Variants in SH3GL2 observed in about 807,000 individuals in gnomAD.
SH3GL2 encodes the protein endophilin-A1.
A neutral mutation model predicts 46.0 loss-of-function variants in SH3GL2; 24 were observed. The ratio of observed to expected loss-of-function variants is 0.52; its 90% CI spans 0.38 to 0.73. The LOEUF is 0.73. Among genes scored for constraint, SH3GL2 ranks in the 30% least tolerant of loss-of-function variants. SH3GL2 has a pLI of 0.00. For synonymous variants in SH3GL2, 196 were observed against 147.1 expected, an observed-to-expected ratio of 1.33 and a Z score of -2.40; for missense variants, 413 against 424.2, an observed-to-expected ratio of 0.97 and a Z score of 0.23.
intron 3 of SH3GL2, among the ~76,000 whole-genome samples, chr9:17,768,596 T>A (rs1472728313): frequency 6.6e-6 from 1 of 152,058 alleles, no homozygotes; most frequent in African/African-American, 2.4e-5. Context: ...TTCTCCCTCT[T>A]GTTCACTCTG....
rs528518368 is a variant in SH3GL2, at chr9:17,796,859, C to T, written c.*1116C>T. On this transcript the variant is annotated 3_prime_UTR_variant, in exon 9 of 9. Coordinates refer to ENST00000380607, the MANE Select transcript of SH3GL2 (RefSeq NM_003026.5). Reference sequence around the variant, plus strand: ...CTACTTTTACTTCTGCCCTTTCTATCCATCGTCTTCATTTTGTGTGTACAG... The same window carrying T: ...CTACTTTTACTTCTGCCCTTTCTATTCATCGTCTTCATTTTGTGTGTACAG... 6.6e-6 allele frequency: 1 copy of T among 152,632 alleles called. No homozygotes were observed. The highest frequency in any genetic ancestry group is 6.5e-5 in the Admixed American group (1 of 15,286). The allele number at this position is 152,632 out of a possible 1,614,324, so 9.5% of individuals were successfully genotyped here.
At chr9:17,620,378 G>C (rs968815504) in intron 1 of SH3GL2, among the ~76,000 whole-genome samples, 2 of 152,286 alleles carry the variant, frequency 1.3e-5, no homozygotes, top group Non-Finnish European at 2.9e-5. Flanking sequence ...GTGCTTTTTA[G>C]GTGTCAGACA....
chr9:17,682,313 T>A (rs925704682), intron 1 of SH3GL2, among the ~76,000 whole-genome samples: 1 of 152,176 alleles, frequency 6.6e-6, no homozygotes, highest in Non-Finnish European at 1.5e-5. Context: ...CCAACCCAAA[T>A]GCCCATCAGT....
At chr9:17,704,410 T>C (rs758047786) in intron 1 of SH3GL2, among the ~76,000 whole-genome samples, 3 of 151,028 alleles carry the variant, frequency 2.0e-5, no homozygotes, top group Non-Finnish European at 4.4e-5. Context: ...AAATTACCAA[T>C]GACATTCTTC....
intron 3 of SH3GL2, among the ~76,000 whole-genome samples, chr9:17,780,479 T>C (rs576834472): frequency 7.8e-6 from 1 of 128,078 alleles, no homozygotes; most frequent in South Asian, 2.3e-4. Flanking sequence ...GTTTTTTTTT[T>C]TAATTTTTTT....
chr9:17,597,695 G>C (rs888087475), intron 1 of SH3GL2, among the ~76,000 whole-genome samples: 1 of 152,136 alleles, frequency 6.6e-6, no homozygotes, highest in Non-Finnish European at 1.5e-5. Context: ...AGTGAGGTGT[G>C]AGTTTGTTTG....
chr9:17,682,257 A>G (rs1022690835), intron 1 of SH3GL2, among the ~76,000 whole-genome samples: 2 of 152,164 alleles, frequency 1.3e-5, no homozygotes, highest in Non-Finnish European at 2.9e-5. Flanking sequence ...AGACACATGC[A>G]TGCATATGTT....
chr9:17,795,903 A>G lies in SH3GL2; in HGVS notation c.*160A>G. 1 of 616,382 alleles carries G rather than the reference A, an allele frequency of 1.6e-6. No individual in the cohort carries two copies. Among genetic ancestry groups the G allele is most frequent in the Non-Finnish European group, 2.9e-6 (1 of 347,480 alleles). 38.2% of individuals were successfully genotyped at this position (616,382 alleles called of 1,614,324 possible). ...TGGTTGACTTGTGGGCTCCCACAGGAGTCATGGTGATGGATGATATCCTCT... is the reference window on the plus strand; with the variant it reads ...TGGTTGACTTGTGGGCTCCCACAGGGGTCATGGTGATGGATGATATCCTCT... On this transcript the variant is annotated 3_prime_UTR_variant, in exon 9 of 9. Coordinates refer to ENST00000380607, the MANE Select transcript of SH3GL2 (RefSeq NM_003026.5).
chr9:17,647,692 G>C (rs544416993), intron 1 of SH3GL2, among the ~76,000 whole-genome samples: 1 of 152,204 alleles, frequency 6.6e-6, no homozygotes, highest in African/African-American at 2.4e-5. Flanking sequence ...CCGTAGAGGA[G>C]GGATTATAAA....
intron 1 of SH3GL2, among the ~76,000 whole-genome samples, chr9:17,721,232 C>A (rs138299151): frequency 1.3e-5 from 2 of 152,056 alleles, no homozygotes; most frequent in East Asian, 3.9e-4. Context: ...ATCGAAATGG[C>A]CACATCCAGG....
chr9:17,609,887 G>C (rs1339923396), intron 1 of SH3GL2, among the ~76,000 whole-genome samples: 1 of 152,120 alleles, frequency 6.6e-6, no homozygotes, highest in Non-Finnish European at 1.5e-5. Context: ...CCACACCTGG[G>C]CTCTCATAAT....
At chr9:17,648,684 T>C (rs1819885268) in intron 1 of SH3GL2, among the ~76,000 whole-genome samples, 4 of 152,222 alleles carry the variant, frequency 2.6e-5, no homozygotes, top group Admixed American at 2.6e-4. Context: ...AGTCATTGGC[T>C]TCTTTCTAAT....
At chr9:17,672,045 G>A (rs773758697) in intron 1 of SH3GL2, among the ~76,000 whole-genome samples, 3 of 152,158 alleles carry the variant, frequency 2.0e-5, no homozygotes, top group Admixed American at 6.5e-5. Flanking sequence ...AGCCCAGTGT[G>A]TTACATGAAA....
intron 1 of SH3GL2, among the ~76,000 whole-genome samples, chr9:17,696,519 G>A (rs971043590): frequency 7.9e-5 from 12 of 152,136 alleles, no homozygotes; most frequent in Non-Finnish European, 1.6e-4. Context: ...GAGGTCTCAG[G>A]AAACTTACAG....
At chr9:17,746,211 G>C (rs376629806) in intron 1 of SH3GL2, among the ~76,000 whole-genome samples, 1 of 152,208 alleles carries the variant, frequency 6.6e-6, no homozygotes, top group East Asian at 1.9e-4. Context: ...GAGTAGCTGG[G>C]ACTACAGGTG....
chr9:17,580,317 T>G (rs1404173783), intron 1 of SH3GL2, among the ~76,000 whole-genome samples: 1 of 152,224 alleles, frequency 6.6e-6, no homozygotes, highest in South Asian at 2.1e-4. Context: ...AGCTTTCTCA[T>G]AATTTCTCGG....
intron 1 of SH3GL2, among the ~76,000 whole-genome samples, chr9:17,613,267 A>C (rs997557257): frequency 6.6e-6 from 1 of 152,172 alleles, no homozygotes; most frequent in Non-Finnish European, 1.5e-5. Context: ...AAACATTAGT[A>C]TTTTCCATTT....
chr9:17,642,019 G>T (rs780846158), intron 1 of SH3GL2, among the ~76,000 whole-genome samples: 5 of 152,162 alleles, frequency 3.3e-5, no homozygotes, highest in Non-Finnish European at 7.3e-5. Context: ...TCACCACACT[G>T]TCTTGCCCAA....
intron 1 of SH3GL2, among the ~76,000 whole-genome samples, chr9:17,656,950 C>G (rs183066277): frequency 2.6e-3 from 401 of 151,826 alleles, no homozygotes; most frequent in Non-Finnish European, 4.8e-3. Flanking sequence ...TAATGACTTT[C>G]AGAAAAAAAA....
Sources: gnomAD v4.1 joint callset for allele counts (sites outside exome capture counted in the v4.1 genomes callset) on GRCh38, gnomAD v4.1.1 for gene constraint, MANE v1.5 for transcripts, NCBI Gene and HGNC (gene_info 2026-07-23, HGNC 2026-07-21) for gene names.